ATP2A3: variants seen among roughly 807,000 people sequenced by gnomAD.
ATP2A3 encodes the protein sarcoplasmic/endoplasmic reticulum calcium ATPase 3.
ATP2A3 carries 61 observed loss-of-function variants against 106.8 expected under a neutral mutation model. That is an observed-to-expected ratio of 0.57 (90% CI 0.46 to 0.71). The LOEUF is 0.71. ATP2A3 is among the 30% of genes least tolerant of loss of function. ATP2A3 has a pLI of 0.00. For missense variants in ATP2A3, 1,201 were observed against 1,423.5 expected (o/e 0.84, Z 2.52); for synonymous variants, 611 against 609.3 (o/e 1.00, Z -0.04).
chr17:3,954,426 C>T (rs924770917), intron 1 of ATP2A3, among the ~76,000 whole-genome samples: 8 of 149,170 alleles, frequency 5.4e-5, no homozygotes, highest in Non-Finnish European at 8.9e-5. Context: ...CATACCCAGT[C>T]GCCCCCCACA....
intron 4 of ATP2A3, 23 bp downstream of exon 4, chr17:3,951,558 G>GCCCCCCCCCC: frequency 5.6e-6 from 4 of 716,214 alleles, no homozygotes; most frequent in Non-Finnish European, 8.6e-6. Context: ...CCCCCGCCCG[G>GCCCCCCCCCC]TCCCACCCCC....
intron 17 of ATP2A3, among the ~76,000 whole-genome samples, chr17:3,931,523 CTTTTTTT>C (rs368874628): frequency 0.082 from 11,486 of 140,426 alleles, 972 homozygotes; most frequent in African/African-American, 0.22. Flanking sequence ...GATCTTTTTT[CTTTTTTT>C]TTTTTTTTTG....
chr17:3,945,288 A>G (rs1007691595), intron 8 of ATP2A3, 140 bp from the exon 9 acceptor site: 16 of 698,250 alleles, frequency 2.3e-5, no homozygotes, highest in South Asian at 3.7e-5. Flanking sequence ...GCCCACCAGG[A>G]GGGAAATAGA....
At chr17:3,931,753 C>A (rs919060090) in intron 17 of ATP2A3, among the ~76,000 whole-genome samples, 1 of 152,090 alleles carries the variant, frequency 6.6e-6, no homozygotes, top group Non-Finnish European at 1.5e-5. Flanking sequence ...GAACTCCTGA[C>A]CTCGTGATCC....
chr17:3,961,487 C>T (rs1487666838), intron 1 of ATP2A3, among the ~76,000 whole-genome samples: 2 of 139,124 alleles, frequency 1.4e-5, no homozygotes, highest in African/African-American at 2.6e-5. Context: ...CTCCCCAGCT[C>T]TGAAGTGTCT....
chr17:3,947,253 T>C lies in ATP2A3; in HGVS notation c.1095+138A>G. On this transcript the variant is annotated intron_variant, in intron 8 of 20. Transcript: ENST00000397041. The surrounding 1 kb of genome is among the most constrained non-coding windows in gnomAD (Gnocchi z 7.7). ...GTCTCCCTGTCATCTTGTGAAAACC[T>C]GGACCTGCTCTGGGCCAAGGGACAG... 2.8e-6 allele frequency: 3 copies of C among 1,063,060 alleles called. No homozygotes were observed. The highest frequency in any genetic ancestry group is 4.2e-6 in the Non-Finnish European group (3 of 716,688). 65.9% of individuals were successfully genotyped at this position (1,063,060 alleles called of 1,614,324 possible).
rs544345998 is a variant in ATP2A3 at position 3,942,390 on chromosome 17, G to A, written c.1545+216C>T. ...GTAGACAGTGGTCTGCAAGGGAGTC[G>A]ATTCCTTTCCCTCCCTGGGACTCAG... On this transcript the variant is annotated intron_variant, in intron 12 of 20. Coordinates refer to ENST00000397041, the MANE Select transcript of ATP2A3 (RefSeq NM_005173.4). Among the ~76,000 whole-genome samples, 6 of 152,330 alleles carry A rather than the reference G, an allele frequency of 3.9e-5. No homozygotes were observed. The East Asian group carries it at 7.7e-4, about 20-fold the overall frequency.
In ATP2A3 at chr17:3,930,594, G is replaced by T; in HGVS notation, c.2611-160C>A. 1.0e-6 allele frequency: 1 copy of T among 975,610 alleles called. No individual in the cohort carries two copies. Among genetic ancestry groups the T allele is most frequent in the Non-Finnish European group, 1.5e-6 (1 of 652,254 alleles). 60.4% of individuals were successfully genotyped at this position (975,610 alleles called of 1,614,324 possible). ...CTGGGGATCCCGGGAGGGGTGCGGG[G>T]TCGGGGCGGCGGTGGGGAGAGCTGC... On this transcript the variant is annotated intron_variant, in intron 17 of 20. Coordinates refer to ENST00000397041, the MANE Select transcript of ATP2A3 (RefSeq NM_005173.4). This position sits in a 1 kb window ranked among gnomAD's most constrained non-coding sequence, Gnocchi z 5.4.
Position 3,925,741 on chromosome 17 carries a change from G to C in ATP2A3, c.2981-300C>G, listed in dbSNP as rs564827444. On this transcript the variant is annotated intron_variant, in intron 20 of 20. Coordinates refer to ENST00000397041, the MANE Select transcript of ATP2A3 (RefSeq NM_005173.4). This position sits in a 1 kb window ranked among gnomAD's most constrained non-coding sequence, Gnocchi z 4.2. ...GGGAATCACCACCCATTATCGTAAG[G>C]TTCAGACACCAGGCTCATCCTTGCT... Among the ~76,000 whole-genome samples the C allele has an allele frequency of 6.6e-6, 1 of 151,852 alleles. No homozygotes were observed. The highest frequency in any genetic ancestry group is 1.9e-4 in the East Asian group (1 of 5,146).
In ATP2A3 at chr17:3,930,201, CAG is replaced by C; in HGVS notation, c.2744+98_2744+99del. 5.7e-6 allele frequency: 7 copies of C among 1,230,858 alleles called. No homozygotes were observed. The highest frequency in any genetic ancestry group is 1.7e-5 in the South Asian group (1 of 58,918). 76.2% of individuals were successfully genotyped at this position (1,230,858 alleles called of 1,614,324 possible). On this transcript the variant is annotated intron_variant, in intron 18 of 20. Coordinates refer to ENST00000397041, the MANE Select transcript of ATP2A3 (RefSeq NM_005173.4). This position sits in a 1 kb window ranked among gnomAD's most constrained non-coding sequence, Gnocchi z 5.4. The stretch of plus-strand genomic sequence containing the variant: ...CGGCCCCAGCTCCAGGCCCTGCGCC[CAG>C]CCCACCTGGACCCCTGACCCTCAGA...
rs1363875773 is a variant in ATP2A3, at chr17:3,942,632, C to T, written c.1519G>A (p.Gly507Ser). The change falls in exon 12 of 21, where the codon GGC becomes AGC. Residue 507 changes from glycine (G) to serine (S), a missense_variant. Gly to Ser is a moderately conservative substitution (Grantham distance 56, BLOSUM62 0). Around this residue, in one of 2 missense-constraint regions of ATP2A3, gnomAD observed 935 missense variants for 1,176.7 expected, o/e 0.79. Coordinates refer to ENST00000397041, the MANE Select transcript of ATP2A3 (RefSeq NM_005173.4). ...YCTPTRPHPT[G>S]QGSKMFVKGA... ...TTCACAAACATCTTGCTGCCCTGGC[C>T]AGTAGGGTGAGGGCGGGTGGGCGTG... The T allele has an allele frequency of 1.2e-6, 2 of 1,612,652 alleles. No homozygotes were observed. The highest frequency in any genetic ancestry group is 1.7e-5 in the Admixed American group (1 of 60,016).
At position 3,953,536 on chromosome 17, in the gene ATP2A3, G is replaced by A; in HGVS notation, c.137-107C>T. 2 of 1,492,270 alleles carry A rather than the reference G, an allele frequency of 1.3e-6. No homozygotes were observed. Among genetic ancestry groups the A allele is most frequent in the Middle Eastern group, 3.4e-4 (2 of 5,856 alleles). The allele number at this position is 1,492,270 out of a possible 1,614,324, so 92.4% of individuals were successfully genotyped here. Reference sequence around the variant, plus strand: ...CCGGCCCATTCCCTCCCTGCACTCAGAAGAGGGAGAACCCAGGTCGCTGAG... The same window carrying A: ...CCGGCCCATTCCCTCCCTGCACTCAAAAGAGGGAGAACCCAGGTCGCTGAG... On this transcript the variant is annotated intron_variant, in intron 2 of 20. Coordinates refer to ENST00000397041, the MANE Select transcript of ATP2A3 (RefSeq NM_005173.4). The surrounding 1 kb of genome is among the most constrained non-coding windows in gnomAD (Gnocchi z 5.1).
rs779435147 is a variant in ATP2A3 at position 3,944,699 on chromosome 17, C to A, written c.1287+5G>T. ...AGGGAGGTCATGAAAGGGGGTGAGG[C>A]CCACCTCGTTGTAGTCCAGAGCCGA... is the stretch of plus-strand genomic sequence containing the variant. On this transcript the variant is annotated splice_donor_5th_base_variant and intron_variant, in intron 10 of 20. Coordinates refer to ENST00000397041, the MANE Select transcript of ATP2A3 (RefSeq NM_005173.4). 8.1e-6 allele frequency: 13 copies of A among 1,610,986 alleles called. No individual in the cohort carries two copies. Among genetic ancestry groups the A allele is most frequent in the Admixed American group, 5.0e-5 (3 of 59,654 alleles).
At position 3,925,771 on chromosome 17, in the gene ATP2A3, T is replaced by C. The variant is rs530757854; in HGVS notation, c.2981-330A>G. Reference sequence around the variant, plus strand: ...GACACCAGGCTCATCCTTGCTTCTCTTGCCCATCACACACACCCAGGCCTG... The same window carrying C: ...GACACCAGGCTCATCCTTGCTTCTCCTGCCCATCACACACACCCAGGCCTG... On this transcript the variant is annotated intron_variant, in intron 20 of 20. Transcript: ENST00000397041. The surrounding 1 kb of genome is among the most constrained non-coding windows in gnomAD (Gnocchi z 4.2). Among the ~76,000 whole-genome samples, 2 of 152,188 alleles carry C rather than the reference T, an allele frequency of 1.3e-5. No individual in the cohort carries two copies. The highest frequency in any genetic ancestry group is 6.5e-5 in the Admixed American group (1 of 15,280).
intron 1 of ATP2A3, among the ~76,000 whole-genome samples, chr17:3,962,644 G>A (rs1043076958): frequency 6.6e-6 from 1 of 152,154 alleles, no homozygotes; most frequent in Admixed American, 6.5e-5. Flanking sequence ...ATAACAGGTG[G>A]GGAAGGCTGG....
intron 17 of ATP2A3, among the ~76,000 whole-genome samples, chr17:3,933,063 C>G (rs970528330): frequency 6.7e-6 from 1 of 150,158 alleles, no homozygotes; most frequent in African/African-American, 2.5e-5. Flanking sequence ...GGGCAGATCA[C>G]CTGAGGTCAG....
intron 15 of ATP2A3, 82 bp downstream of exon 15, chr17:3,937,334 C>T: frequency 6.8e-7 from 1 of 1,466,432 alleles, no homozygotes; most frequent in Non-Finnish European, 9.4e-7. Context: ...CCCTGCAGCG[C>T]ATCCGAGGAA....
At position 3,936,358 on chromosome 17, in the gene ATP2A3, C is replaced by T. The variant is rs544896122; in HGVS notation, c.2433G>A (p.Pro811=). ...GLPATALGFN[P]PDLDIMEKLP... ...GCTTCTCCATGATGTCCAGGTCTGG[C>T]GGGTTGAAGCCCAGAGCCGTGGCAG... Residue 811 remains proline, a synonymous_variant, in exon 16 of 21, where the codon CCG becomes CCA. Coordinates refer to ENST00000397041, the MANE Select transcript of ATP2A3 (RefSeq NM_005173.4). This position sits in a 1 kb window ranked among gnomAD's most constrained non-coding sequence, Gnocchi z 5.4. 3 of 1,614,114 alleles carry T rather than the reference C, an allele frequency of 1.9e-6. No individual in the cohort carries two copies. The highest frequency in any genetic ancestry group is 2.2e-5 in the East Asian group (1 of 44,886).
Position 3,941,622 on chromosome 17 carries a change from G to A in ATP2A3, c.1578C>T (p.Ser526=). The A allele has an allele frequency of 1.2e-6, 2 of 1,610,372 alleles. No homozygotes were observed. Among genetic ancestry groups the A allele is most frequent in the Middle Eastern group, 1.6e-4 (1 of 6,062 alleles). Residue 526 remains serine (S), a synonymous_variant, in exon 13 of 21, where the codon AGC becomes AGT. Transcript: ENST00000397041. Reference sequence around the variant, plus strand: ...CTGTGCGGCTCCCCACGCGGACTGAGCTACAGCGCTCGATCACACTCTCAG... The same window carrying A: ...CTGTGCGGCTCCCCACGCGGACTGAACTACAGCGCTCGATCACACTCTCAG... ...GAPESVIERC[S]SVRVGSRTAP...
Sources: allele counts gnomAD v4.1 joint callset (sites outside exome capture counted in the v4.1 genomes callset), GRCh38; gene constraint gnomAD v4.1.1; regional missense constraint gnomAD v4.1.1; non-coding constraint Gnocchi (gnomAD v3.1); transcripts MANE v1.5; gene names NCBI Gene and HGNC (gene_info 2026-07-23, HGNC 2026-07-21).